CTNNA2: variants seen among roughly 807,000 people sequenced by gnomAD.
The protein encoded by CTNNA2 is catenin alpha-2.
Under a neutral mutation model 101.0 loss-of-function variants are expected in CTNNA2, and 42 were observed. That is an observed-to-expected ratio of 0.42 (90% CI 0.32 to 0.54). The LOEUF (loss-of-function observed/expected upper bound fraction) is 0.54, where lower values mean the gene tolerates loss of function less well. Among genes scored for constraint, CTNNA2 ranks in the 20% least tolerant of loss-of-function variants. CTNNA2 has a pLI of 0.14. For missense variants in CTNNA2, 871 were observed against 1,223.1 expected, an observed-to-expected ratio of 0.71 and a Z score of 4.29; for synonymous variants, 450 against 456.4, an observed-to-expected ratio of 0.99 and a Z score of 0.18.
At position 80,648,612 on chromosome 2, in the gene CTNNA2, G is replaced by C. The variant is rs1674370234; in HGVS notation, c.*740G>C. ...TTTCATTTTTTTTTCTTTTTAATTT[G>C]AACCATGATTTTGCTAGAAATAGAA... On this transcript the variant is annotated 3_prime_UTR_variant, in exon 19 of 19. Coordinates refer to ENST00000402739, the MANE Select transcript of CTNNA2 (RefSeq NM_001282597.3). 2 of 151,196 alleles carry C rather than the reference G, an allele frequency of 1.3e-5. No individual in the cohort carries two copies. Among genetic ancestry groups the C allele is most frequent in the Non-Finnish European group, 3.0e-5 (2 of 67,750 alleles). The allele number at this position is 151,196 out of a possible 1,614,324, so 9.4% of individuals were successfully genotyped here. A position where few individuals can be genotyped will look rare whatever the true frequency, so the allele number is the denominator to read the frequency against.
chr2:80,260,539 T>A, intron 7 of CTNNA2, among the ~76,000 whole-genome samples: 1 of 152,188 alleles, frequency 6.6e-6, no homozygotes, highest in East Asian at 1.9e-4. Context: ...TGAAGGAACC[T>A]CTCTTCTTAT....
chr2:79,936,298 T>G (rs1212587377), intron 7 of CTNNA2, among the ~76,000 whole-genome samples: 1 of 152,124 alleles, frequency 6.6e-6, no homozygotes, highest in Non-Finnish European at 1.5e-5. Context: ...TGGTGAATGC[T>G]TTTGAATGCC....
chr2:79,817,316 CTTTTTTTT>C (rs550422225), intron 3 of CTNNA2, among the ~76,000 whole-genome samples: 2 of 73,846 alleles, frequency 2.7e-5, no homozygotes, highest in African/African-American at 9.4e-5. Flanking sequence ...TTCTCTCTCA[CTTTTTTTT>C]TTTTTTTTTT....
intron 7 of CTNNA2, among the ~76,000 whole-genome samples, chr2:80,251,011 G>T (rs1671723184): frequency 6.6e-6 from 1 of 152,140 alleles, no homozygotes; most frequent in Non-Finnish European, 1.5e-5. Flanking sequence ...GGAGTCTTAA[G>T]GGAGGTCTGA....
intron 7 of CTNNA2, among the ~76,000 whole-genome samples, chr2:79,914,154 G>A (rs1371116086): frequency 4.8e-5 from 6 of 124,090 alleles, no homozygotes; most frequent in Non-Finnish European, 7.9e-5. Context: ...GCGACAGAGC[G>A]AGACTCCGTC....
chr2:80,596,469 C>A (rs1043104698), intron 15 of CTNNA2, among the ~76,000 whole-genome samples: 1 of 150,854 alleles, frequency 6.6e-6, no homozygotes, highest in African/African-American at 2.4e-5. Context: ...GCCACCATGC[C>A]CGGCTAATTT....
chr2:80,447,725 C>G (rs558804458), intron 9 of CTNNA2, among the ~76,000 whole-genome samples: 1 of 151,826 alleles, frequency 6.6e-6, no homozygotes, highest in East Asian at 1.9e-4. Flanking sequence ...TTAATAATCC[C>G]TTGATGTACC....
At chr2:79,562,879 G>A (rs1469815934) in intron 1 of CTNNA2, among the ~76,000 whole-genome samples, 1 of 151,972 alleles carries the variant, frequency 6.6e-6, no homozygotes, top group Non-Finnish European at 1.5e-5. Flanking sequence ...TTGGGTGTGT[G>A]TGTGTATGTC....
At chr2:80,497,989 G>A (rs959399136) in intron 9 of CTNNA2, among the ~76,000 whole-genome samples, 1 of 152,078 alleles carries the variant, frequency 6.6e-6, no homozygotes, top group Non-Finnish European at 1.5e-5. Context: ...TCCTAACCAT[G>A]GAAACTGTGA....
intron 7 of CTNNA2, among the ~76,000 whole-genome samples, chr2:80,362,235 AG>A (rs1414737288): frequency 1.3e-5 from 2 of 152,112 alleles, no homozygotes; most frequent in Non-Finnish European, 2.9e-5. Context: ...TCCTTGAGAA[AG>A]ACACTCCTCC....
At chr2:79,475,908 A>G (rs1350781868) in intron 4 of CTNNA2, among the ~76,000 whole-genome samples, 1 of 152,192 alleles carries the variant, frequency 6.6e-6, no homozygotes, top group Non-Finnish European at 1.5e-5. Context: ...GCAGTTGACC[A>G]ACCCCGAATT....
At chr2:79,903,584 G>A (rs1052238696) in intron 6 of CTNNA2, among the ~76,000 whole-genome samples, 1 of 152,162 alleles carries the variant, frequency 6.6e-6, no homozygotes, top group Non-Finnish European at 1.5e-5. Context: ...AGGAAGCAAG[G>A]TAGATGGGAT....
intron 7 of CTNNA2, among the ~76,000 whole-genome samples, chr2:80,202,331 C>G (rs970429239): frequency 2.6e-5 from 4 of 152,014 alleles, no homozygotes; most frequent in Non-Finnish European, 5.9e-5. Flanking sequence ...AAGGAGAGGC[C>G]GACACATAAA....
intron 7 of CTNNA2, among the ~76,000 whole-genome samples, chr2:80,073,196 T>C (rs987706695): frequency 5.3e-5 from 8 of 151,990 alleles, no homozygotes; most frequent in Admixed American, 1.3e-4. Flanking sequence ...TTTTAAGGAG[T>C]TCAAAGGATT....
chr2:80,530,006 G>A (rs1377351743), intron 9 of CTNNA2, among the ~76,000 whole-genome samples: 5 of 152,044 alleles, frequency 3.3e-5, no homozygotes, highest in Admixed American at 6.6e-5. Context: ...GTGCAGCTGC[G>A]CCTTTCATCT....
intron 7 of CTNNA2, among the ~76,000 whole-genome samples, chr2:80,301,238 G>A (rs2149204215): frequency 6.6e-6 from 1 of 152,324 alleles, no homozygotes; most frequent in East Asian, 1.9e-4. Context: ...TAAGCTTGCT[G>A]CAGTCTTAGC....
At chr2:80,096,343 G>A (rs545759215) in intron 7 of CTNNA2, among the ~76,000 whole-genome samples, 25 of 152,296 alleles carry the variant, frequency 1.6e-4, no homozygotes, top group Middle Eastern at 3.4e-3. Context: ...CTGAGTTCTA[G>A]TTTGATTGCA....
intron 3 of CTNNA2, among the ~76,000 whole-genome samples, chr2:79,819,390 G>A (rs1354528178): frequency 1.3e-5 from 2 of 152,084 alleles, no homozygotes; most frequent in Middle Eastern, 3.2e-3. Context: ...GCTTACTTCT[G>A]TCTCTTCTAC....
At chr2:79,670,101 G>A (rs767058124) in intron 2 of CTNNA2, among the ~76,000 whole-genome samples, 1 of 152,214 alleles carries the variant, frequency 6.6e-6, no homozygotes, top group Non-Finnish European at 1.5e-5. Flanking sequence ...AGGCTGCAGA[G>A]ATGCCCCAGT....
Sources: allele counts gnomAD v4.1 joint callset (sites outside exome capture counted in the v4.1 genomes callset), GRCh38; gene constraint gnomAD v4.1.1; transcripts MANE v1.5; gene names NCBI Gene and HGNC (gene_info 2026-07-23, HGNC 2026-07-21).